PKD2L2: variants seen among roughly 807,000 people sequenced by gnomAD.
PKD2L2 encodes the protein polycystin 2 like 2, transient receptor potential cation channel, also known as polycystin-2-like protein 2.
PKD2L2 carries 67 observed loss-of-function variants against 83.9 expected under a neutral mutation model. That is an observed-to-expected ratio of 0.80 (90% CI 0.66 to 0.98). PKD2L2 has a LOEUF of 0.98. Ranked by LOEUF, PKD2L2 falls within the 50% of genes least tolerant of loss-of-function variation. The pLI, the probability that PKD2L2 is intolerant of heterozygous loss-of-function variation, is 0.00. For missense variants in PKD2L2, 632 were observed against 717.2 expected (o/e 0.88, Z 1.36); for synonymous variants, 223 against 237.8 (o/e 0.94, Z 0.57).
At chr5:137,914,488 T>C (rs1484885426) in intron 8 of PKD2L2, among the ~76,000 whole-genome samples, 1 of 152,210 alleles carries the variant, frequency 6.6e-6, no homozygotes, top group Non-Finnish European at 1.5e-5. Flanking sequence ...AATGCTACTG[T>C]GTGTATCTTG....
Position 137,889,495 on chromosome 5 carries a change from G to C in PKD2L2, c.4G>C (p.Ala2Pro), listed in dbSNP as rs746377980. Residue 2 changes from alanine to proline, a missense_variant, in exon 1 of 15, where the codon GCT (alanine) becomes CCT (proline). Transcript: ENST00000508883. ...GGCGGTGTAGTGCAGGTCCGCCATG[G>C]CTGAGGCGTCACGGTGGCACCGAGG... is the stretch of plus-strand genomic sequence containing the variant. M[A>P]EASRWHRGGA... 1 of 1,565,776 alleles carries C rather than the reference G, an allele frequency of 6.4e-7. No individual in the cohort carries two copies. Among genetic ancestry groups the C allele is most frequent in the Non-Finnish European group, 8.6e-7 (1 of 1,162,114 alleles).
chr5:137,892,844 A>ACTT (rs1756110933), intron 3 of PKD2L2, among the ~76,000 whole-genome samples: 1 of 152,218 alleles, frequency 6.6e-6, no homozygotes, highest in Non-Finnish European at 1.5e-5. Flanking sequence ...ACGGTGGCTC[A>ACTT]TGCCTGTAAT....
Position 137,889,460 on chromosome 5 carries a change from C to G in PKD2L2, c.-32C>G. Reference sequence around the variant, plus strand: ...AGCGCGCAAGCGCCGCGGCCTCAGGCGAACGAACGGGCGGTGTAGTGCAGG... The same window carrying G: ...AGCGCGCAAGCGCCGCGGCCTCAGGGGAACGAACGGGCGGTGTAGTGCAGG... On this transcript the variant is annotated 5_prime_UTR_variant, in exon 1 of 15. Transcript: ENST00000508883. The G allele has an allele frequency of 6.3e-7, 1 of 1,585,036 alleles. No homozygotes were observed. The highest frequency in any genetic ancestry group is 1.1e-5 in the South Asian group (1 of 88,906).
chr5:137,892,331 A>G (rs1205886016), intron 2 of PKD2L2, 149 bp from the exon 3 acceptor site: 1 of 402,908 alleles, frequency 2.5e-6, no homozygotes, highest in African/African-American at 2.1e-5. Flanking sequence ...TACTTTTTAT[A>G]TTTCTAGTTT....
chr5:137,940,163 A>G (rs373818342), intron 14 of PKD2L2: 285 of 1,613,366 alleles, frequency 1.8e-4, no homozygotes, highest in Admixed American at 5.0e-4. Flanking sequence ...AGCCAAGTAC[A>G]CACGATGATA....
rs1451878025 is a variant in PKD2L2, at chr5:137,906,340, T to C, written c.881T>C (p.Phe294Ser). 6.2e-7 allele frequency: 1 copy of C among 1,609,064 alleles called. No individual in the cohort carries two copies. The highest frequency in any genetic ancestry group is 8.5e-7 in the Non-Finnish European group (1 of 1,175,608). Residue 294 changes from phenylalanine to serine, a missense_variant, in exon 6 of 15, where the codon TTT (phenylalanine) becomes TCT (serine). Phe to Ser is a radical substitution (Grantham distance 155). Coordinates refer to ENST00000508883, the MANE Select transcript of PKD2L2 (RefSeq NM_001300921.2). ...SCEITFCIFLFVFTTQEVKKI... is the reference protein window; with the variant it reads ...SCEITFCIFLSVFTTQEVKKI... ...GAAATCACATTCTGTATTTTTCTTT[T>C]TGTCTTCACAACACAAGAAGTCAAA...
intron 10 of PKD2L2, 56 bp from the exon 11 acceptor site, chr5:137,924,984 T>C: frequency 9.9e-7 from 1 of 1,015,180 alleles, no homozygotes; most frequent in Non-Finnish European, 1.6e-6. Flanking sequence ...TGATAAAACA[T>C]TAATAATCAA....
intron 2 of PKD2L2, among the ~76,000 whole-genome samples, chr5:137,891,063 A>G (rs939386749): frequency 6.6e-6 from 1 of 152,204 alleles, no homozygotes; most frequent in Non-Finnish European, 1.5e-5. Flanking sequence ...GCAAATAATT[A>G]AGGAGGACTG....
intron 14 of PKD2L2, among the ~76,000 whole-genome samples, chr5:137,936,639 T>C (rs1760444383): frequency 6.6e-6 from 1 of 152,150 alleles, no homozygotes; most frequent in Admixed American, 6.5e-5. Flanking sequence ...GTATTTTTAG[T>C]AGAGACGAGG....
At chr5:137,910,383 A>T (rs1757729318) in intron 8 of PKD2L2, among the ~76,000 whole-genome samples, 1 of 152,018 alleles carries the variant, frequency 6.6e-6, no homozygotes, top group Admixed American at 6.6e-5. Flanking sequence ...AGCACAGAAC[A>T]GGTAGAGAAC....
chr5:137,901,452 G>A (rs1297906503), intron 5 of PKD2L2, among the ~76,000 whole-genome samples: 1 of 151,988 alleles, frequency 6.6e-6, no homozygotes, highest in Admixed American at 6.6e-5. Context: ...TAATAAGGAA[G>A]AGAAACAAGC....
intron 8 of PKD2L2, among the ~76,000 whole-genome samples, chr5:137,915,726 T>G (rs934060279): frequency 6.6e-6 from 1 of 152,236 alleles, no homozygotes; most frequent in Non-Finnish European, 1.5e-5. Context: ...CTTTGTTCAT[T>G]GTGTCCAAAA....
At chr5:137,923,588 T>C (rs1759119080) in intron 10 of PKD2L2, 67 bp downstream of exon 10, 2 of 805,458 alleles carry the variant, frequency 2.5e-6, no homozygotes, top group Non-Finnish European at 4.4e-6. Flanking sequence ...CTCTTGTAGT[T>C]TGAATACCAC....
In PKD2L2 at chr5:137,908,859, T is replaced by G. The variant is rs1406277424; in HGVS notation, c.1241T>G (p.Phe414Cys). The part of the protein sequence containing the change: ...VKDIVGFAIM[F>C]FIIFFAYAQL... ...GACATAGTAGGATTTGCCATCATGTTTTTTATAATATTCTTTGCTTATGCC... is the reference window on the plus strand; with the variant it reads ...GACATAGTAGGATTTGCCATCATGTGTTTTATAATATTCTTTGCTTATGCC... Residue 414 changes from phenylalanine to cysteine, a missense_variant, in exon 8 of 15, where the codon TTT (phenylalanine) becomes TGT (cysteine). Physicochemically the swap from Phe to Cys is radical, Grantham distance 205. Coordinates refer to ENST00000508883, the MANE Select transcript of PKD2L2 (RefSeq NM_001300921.2). 1.9e-6 allele frequency: 3 copies of G among 1,603,998 alleles called. No homozygotes were observed. In the South Asian group the frequency reaches 3.3e-5, roughly 18 times the overall value.
At chr5:137,940,003 G>A in intron 14 of PKD2L2, 1 of 1,598,196 alleles carries the variant, frequency 6.3e-7, no homozygotes, top group South Asian at 1.1e-5. Flanking sequence ...TGCTAAAGGT[G>A]GAGAGGACAG....
chr5:137,907,008 G>A (rs1255384226), intron 6 of PKD2L2, among the ~76,000 whole-genome samples: 3 of 152,140 alleles, frequency 2.0e-5, no homozygotes, highest in African/African-American at 7.2e-5. Context: ...GATTTAGGCA[G>A]GCCGAGACAA....
rs754462730 is a variant in PKD2L2 at position 137,906,192 on chromosome 5, A to G, written c.747-14A>G. The stretch of plus-strand genomic sequence containing the variant: ...TTGAAATGAACAGTTGCTTTCACAA[A>G]CCTGATTTTACAGATTGGTGGCAGA... On this transcript the variant is annotated splice_polypyrimidine_tract_variant and intron_variant, in intron 5 of 14. Coordinates refer to ENST00000508883, the MANE Select transcript of PKD2L2 (RefSeq NM_001300921.2). The G allele has an allele frequency of 2.6e-6, 4 of 1,530,722 alleles. No individual in the cohort carries two copies. Among genetic ancestry groups the G allele is most frequent in the African/African-American group, 2.8e-5 (2 of 72,558 alleles). 94.8% of individuals were successfully genotyped at this position (1,530,722 alleles called of 1,614,324 possible).
chr5:137,912,801 CTTTCTT>C (rs1332589026), intron 8 of PKD2L2, among the ~76,000 whole-genome samples: 3 of 99,858 alleles, frequency 3.0e-5, no homozygotes, highest in South Asian at 6.8e-4. Context: ...TGTTTTCTTT[CTTTCTT>C]TTTTTTTTTT....
chr5:137,916,949 T>C (rs1758414463), intron 8 of PKD2L2, among the ~76,000 whole-genome samples: 1 of 152,304 alleles, frequency 6.6e-6, no homozygotes, highest in Admixed American at 6.5e-5. Flanking sequence ...TGTTTTGGTG[T>C]GGCTGTCTTT....
Sources: allele counts gnomAD v4.1 joint callset (sites outside exome capture counted in the v4.1 genomes callset), GRCh38; gene constraint gnomAD v4.1.1; transcripts MANE v1.5; gene names NCBI Gene and HGNC (gene_info 2026-07-23, HGNC 2026-07-21).